The following FAM78A variants were observed in gnomAD, a reference collection of about 807,000 sequenced individuals.
FAM78A encodes the protein protein FAM78A.
A neutral mutation model predicts 22.6 loss-of-function variants in FAM78A; 12 were observed. That is an observed-to-expected ratio of 0.53 (90% CI 0.34 to 0.86). The LOEUF is 0.86. Among genes scored for constraint, FAM78A ranks in the 40% least tolerant of loss-of-function variants. The pLI is 0.02. For missense variants in FAM78A, 322 were observed against 396.1 expected, an observed-to-expected ratio of 0.81 and a Z score of 1.59; for synonymous variants, 151 against 155.8, an observed-to-expected ratio of 0.97 and a Z score of 0.23.
rs2131198548 is a variant in FAM78A at position 131,276,129 on chromosome 9, G to A, written c.51C>T (p.Leu17=). ...DCWPSLEIRA[L]LYAMGCIQSI... ...TCTGAATACAGCCCATGGCATACAG[G>A]AGCGCTCTGATCTCCAGGGAAGGCC... The change falls in exon 1 of 2, where the codon CTC becomes CTT. Residue 17 remains leucine (L), a synonymous_variant. Coordinates refer to ENST00000372271, the MANE Select transcript of FAM78A (RefSeq NM_033387.4). The surrounding 1 kb of genome is among the most constrained non-coding windows in gnomAD (Gnocchi z 4.3). The A allele has an allele frequency of 1.2e-6, 2 of 1,613,588 alleles. No individual in the cohort carries two copies. The highest frequency in any genetic ancestry group is 1.7e-6 in the Non-Finnish European group (2 of 1,180,006).
chr9:131,260,492 G>T lies in FAM78A; in HGVS notation c.*330C>A, dbSNP rs114996354. The T allele has an allele frequency of 3.9e-3, 856 of 218,016 alleles. 8 individuals carry two copies. The highest frequency in any genetic ancestry group is 0.018 in the African/African-American group (809 of 43,988). 13.5% of individuals were successfully genotyped at this position (218,016 alleles called of 1,614,324 possible). On this transcript the variant is annotated 3_prime_UTR_variant, in exon 2 of 2. Coordinates refer to ENST00000372271, the MANE Select transcript of FAM78A (RefSeq NM_033387.4). The surrounding 1 kb of genome is among the most constrained non-coding windows in gnomAD (Gnocchi z 5.4). Reference sequence around the variant, plus strand: ...TCCTGCCCCTGAGCCCCCAAAAGAGGAGTTTTTTTAAAAAACGGAAAAAGC... The same window carrying T: ...TCCTGCCCCTGAGCCCCCAAAAGAGTAGTTTTTTTAAAAAACGGAAAAAGC...
Position 131,272,540 on chromosome 9 carries a change from G to C in FAM78A, c.323+3317C>G, listed in dbSNP as rs2131193185. On this transcript the variant is annotated intron_variant, in intron 1 of 1. Transcript: ENST00000372271. The surrounding 1 kb of genome is among the most constrained non-coding windows in gnomAD (Gnocchi z 4.1). ...AATTCTGGGCTGGTTGGGGTTTCTG[G>C]TCACCCCAACCACTGTTCCCTTTCC... 6.6e-6 allele frequency among the ~76,000 whole-genome samples: 1 copy of C among 152,308 alleles called. No individual in the cohort carries two copies. Among genetic ancestry groups the C allele is most frequent in the African/African-American group, 2.4e-5 (1 of 41,574 alleles).
Position 131,268,719 on chromosome 9 carries a change from C to T in FAM78A, c.323+7138G>A, listed in dbSNP as rs1174535016. ...ATCGAGACAGAGACGGGTGAAACCCCGTCTCTACTAAAAATACAAAAAAAT... is the reference window on the plus strand; with the variant it reads ...ATCGAGACAGAGACGGGTGAAACCCTGTCTCTACTAAAAATACAAAAAAAT... On this transcript the variant is annotated intron_variant, in intron 1 of 1. Transcript: ENST00000372271. Among the ~76,000 whole-genome samples, 7 of 151,914 alleles carry T rather than the reference C, an allele frequency of 4.6e-5. No homozygotes were observed. In the East Asian group the frequency reaches 9.7e-4, roughly 21 times the overall value.
chr9:131,275,927 T>C lies in FAM78A; in HGVS notation c.253A>G (p.Thr85Ala), dbSNP rs1457527496. The C allele has an allele frequency of 1.9e-6, 3 of 1,612,982 alleles. No individual in the cohort carries two copies. Among genetic ancestry groups the C allele is most frequent in the Non-Finnish European group, 2.5e-6 (3 of 1,179,904 alleles). The stretch of plus-strand genomic sequence containing the variant: ...GCCTGGATCCAGCCAACTACCCAAG[T>C]CTCCTTCTTGGGGATGGGCGGCATG... ...VVMPPIPKKE[T>A]WVVGWIQACS... Residue 85 changes from threonine to alanine, a missense_variant, in exon 1 of 2, where the codon ACT becomes GCT. Coordinates refer to ENST00000372271, the MANE Select transcript of FAM78A (RefSeq NM_033387.4). This position sits in a 1 kb window ranked among gnomAD's most constrained non-coding sequence, Gnocchi z 4.6.
chr9:131,276,770 C>T (rs1835489415), upstream of FAM78A, among the ~76,000 whole-genome samples: 1 of 151,292 alleles, frequency 6.6e-6, no homozygotes, highest in Non-Finnish European at 1.5e-5. This position sits in a 1 kb window ranked among gnomAD's most constrained non-coding sequence, Gnocchi z 4.3. Context: ...GGCCGCTCGC[C>T]GGTGACGGGG....
In FAM78A at chr9:131,268,837, G is replaced by A. The variant is rs191147947; in HGVS notation, c.323+7020C>T. 4.1e-3 allele frequency among the ~76,000 whole-genome samples: 614 copies of A among 151,348 alleles called. 10 individuals are homozygous for A. Among genetic ancestry groups the A allele is most frequent in the African/African-American group, 0.014 (585 of 41,288 alleles). Reference sequence around the variant, plus strand: ...GAACCCGGGAGGCGGAGCTTGCAGTGAGCCGAGATGGCGCCCCTGCACTCC... The same window carrying A: ...GAACCCGGGAGGCGGAGCTTGCAGTAAGCCGAGATGGCGCCCCTGCACTCC... On this transcript the variant is annotated intron_variant, in intron 1 of 1. Coordinates refer to ENST00000372271, the MANE Select transcript of FAM78A (RefSeq NM_033387.4).
upstream of FAM78A, among the ~76,000 whole-genome samples, chr9:131,277,933 C>G (rs1835505256): frequency 6.7e-6 from 1 of 148,844 alleles, no homozygotes; most frequent in South Asian, 2.1e-4. The surrounding 1 kb of genome is among the most constrained non-coding windows in gnomAD (Gnocchi z 8.4). Flanking sequence ...AACTCGGCCC[C>G]TGCGCCGGCC....
upstream of FAM78A, among the ~76,000 whole-genome samples, chr9:131,277,560 C>T (rs1033041700): frequency 6.6e-6 from 1 of 151,738 alleles, no homozygotes; most frequent in Non-Finnish European, 1.5e-5. This position sits in a 1 kb window ranked among gnomAD's most constrained non-coding sequence, Gnocchi z 8.4. Context: ...GCCCCGGGGG[C>T]CACTCCGCTG....
Position 131,270,241 on chromosome 9 carries a change from C to A in FAM78A, c.323+5616G>T, listed in dbSNP as rs1285222346. ...TACAACCACCGAGCTGAAGGGCTTG[C>A]ACATGTGGACGGTAACAGGCACAGC... On this transcript the variant is annotated intron_variant, in intron 1 of 1. Transcript: ENST00000372271. 3 of 716,618 alleles carry A rather than the reference C, an allele frequency of 4.2e-6. No individual in the cohort carries two copies. The African/African-American group carries it at 5.2e-5, about 13-fold the overall frequency. The allele number at this position is 716,618 out of a possible 1,614,324, so 44.4% of individuals were successfully genotyped here.
At position 131,261,053 on chromosome 9, in the gene FAM78A, C is replaced by T; in HGVS notation, c.621G>A (p.Gln207=). Residue 207 remains glutamine (Q), a synonymous_variant, in exon 2 of 2, where the codon CAG becomes CAA. Coordinates refer to ENST00000372271, the MANE Select transcript of FAM78A (RefSeq NM_033387.4). The surrounding 1 kb of genome is among the most constrained non-coding windows in gnomAD (Gnocchi z 7.1). ...TGAGCTGCATGCGCCAGTGCAGCGTCTGCAGGATGATCATGTCGTTGGTGG... is the reference window on the plus strand; with the variant it reads ...TGAGCTGCATGCGCCAGTGCAGCGTTTGCAGGATGATCATGTCGTTGGTGG... ...NTSTNDMIIL[Q]TLHWRMQLSI... The T allele has an allele frequency of 6.2e-7, 1 of 1,614,152 alleles. No individual in the cohort carries two copies. The highest frequency in any genetic ancestry group is 8.5e-7 in the Non-Finnish European group (1 of 1,180,022).
rs1835330534 is a variant in FAM78A, at chr9:131,265,301, G to C, written c.324-3951C>G. Among the ~76,000 whole-genome samples, 3 of 152,136 alleles carry C rather than the reference G, an allele frequency of 2.0e-5. No individual in the cohort carries two copies. Among genetic ancestry groups the C allele is most frequent in the African/African-American group, 7.2e-5 (3 of 41,414 alleles). Reference sequence around the variant, plus strand: ...ACAGAGTTTCACTCTTCCTGGCCAGGCCGGAGTGCAATGGCATGATCTCAG... The same window carrying C: ...ACAGAGTTTCACTCTTCCTGGCCAGCCCGGAGTGCAATGGCATGATCTCAG... On this transcript the variant is annotated intron_variant, in intron 1 of 1. Coordinates refer to ENST00000372271, the MANE Select transcript of FAM78A (RefSeq NM_033387.4). The surrounding 1 kb of genome is among the most constrained non-coding windows in gnomAD (Gnocchi z 4.3).
chr9:131,271,001 CTTTT>C lies in FAM78A; in HGVS notation c.323+4852_323+4855del, dbSNP rs60077536. Reference sequence around the variant, plus strand: ...CCCTGCCCTGTCCTTTCCCACCAGTCTTTTTTTTTTTTTTTTTTTTTTGAGATGT... The same window carrying C: ...CCCTGCCCTGTCCTTTCCCACCAGTCTTTTTTTTTTTTTTTTTTGAGATGT... On this transcript the variant is annotated intron_variant, in intron 1 of 1. Coordinates refer to ENST00000372271, the MANE Select transcript of FAM78A (RefSeq NM_033387.4). 6.8e-3 allele frequency among the ~76,000 whole-genome samples: 479 copies of C among 70,350 alleles called. 3 individuals carry two copies. The highest frequency in any genetic ancestry group is 0.012 in the Non-Finnish European group (359 of 28,818). The allele number at this position is 70,350 out of a possible 152,430, so 46.2% of individuals were successfully genotyped here.
chr9:131,262,360 C>T (rs953593440), intron 1 of FAM78A, among the ~76,000 whole-genome samples: 1 of 151,016 alleles, frequency 6.6e-6, no homozygotes, highest in Non-Finnish European at 1.5e-5. Flanking sequence ...TGCCTCTAAT[C>T]CTGTAATCAG....
Position 131,272,896 on chromosome 9 carries a change from C to T in FAM78A, c.323+2961G>A, listed in dbSNP as rs920780191. 3.9e-5 allele frequency among the ~76,000 whole-genome samples: 6 copies of T among 152,098 alleles called. No homozygotes were observed. The highest frequency in any genetic ancestry group is 1.4e-4 in the African/African-American group (6 of 41,400). On this transcript the variant is annotated intron_variant, in intron 1 of 1. Coordinates refer to ENST00000372271, the MANE Select transcript of FAM78A (RefSeq NM_033387.4). The surrounding 1 kb of genome is among the most constrained non-coding windows in gnomAD (Gnocchi z 4.1). ...TAGTGAGCCAAGATTGGCACCATTG[C>T]ACTCCAGCCTGGGCGACAAGAATAA...
At chr9:131,263,037 C>T (rs1387237989) in intron 1 of FAM78A, among the ~76,000 whole-genome samples, 2 of 152,024 alleles carry the variant, frequency 1.3e-5, no homozygotes, top group African/African-American at 2.4e-5. Flanking sequence ...GTCAGGAGTT[C>T]CAGACCAGCC....
In FAM78A at chr9:131,275,764, A is replaced by C. The variant is rs373657688; in HGVS notation, c.323+93T>G. ...CTGGCCTCCGTCCTGTCTTCATGGTATCTCCACCTTCCCCCTATCCGCGGC... is the reference window on the plus strand; with the variant it reads ...CTGGCCTCCGTCCTGTCTTCATGGTCTCTCCACCTTCCCCCTATCCGCGGC... On this transcript the variant is annotated intron_variant, in intron 1 of 1. Transcript: ENST00000372271. The surrounding 1 kb of genome is among the most constrained non-coding windows in gnomAD (Gnocchi z 4.6). The C allele has an allele frequency of 3.2e-5, 41 of 1,286,414 alleles. No individual in the cohort carries two copies. Among genetic ancestry groups the C allele is most frequent in the Non-Finnish European group, 4.0e-5 (38 of 941,850 alleles). The allele number at this position is 1,286,414 out of a possible 1,614,324, so 79.7% of individuals were successfully genotyped here. A position where few individuals can be genotyped will look rare whatever the true frequency, so the allele number is the denominator to read the frequency against.
At chr9:131,266,426 C>T (rs541111468) in intron 1 of FAM78A, among the ~76,000 whole-genome samples, 1 of 152,252 alleles carries the variant, frequency 6.6e-6, no homozygotes, top group East Asian at 1.9e-4. Flanking sequence ...TGCAGTGGGC[C>T]ATGCTCCTCC....
In FAM78A at chr9:131,276,043, G is replaced by A. The variant is rs1835479891; in HGVS notation, c.137C>T (p.Ser46Phe). 6.2e-7 allele frequency: 1 copy of A among 1,613,824 alleles called. No individual in the cohort carries two copies. Among genetic ancestry groups the A allele is most frequent in the African/African-American group, 1.3e-5 (1 of 75,052 alleles). Residue 46 changes from serine (S) to phenylalanine (F), a missense_variant, in exon 1 of 2, where the codon TCC becomes TTC. Coordinates refer to ENST00000372271, the MANE Select transcript of FAM78A (RefSeq NM_033387.4). The surrounding 1 kb of genome is among the most constrained non-coding windows in gnomAD (Gnocchi z 4.3). ...EGITVIDVKA[S>F]IDPVPTSIDE... ...GATGCTAGTGGGGACGGGGTCGATGGAGGCTTTCACATCAATCACCGTGAT... is the reference window on the plus strand; with the variant it reads ...GATGCTAGTGGGGACGGGGTCGATGAAGGCTTTCACATCAATCACCGTGAT...
chr9:131,264,312 A>T (rs1835313191), intron 1 of FAM78A: 1 of 445,828 alleles, frequency 2.2e-6, no homozygotes, highest in Non-Finnish European at 4.0e-6. Context: ...TCAGGCAAAG[A>T]CAGGTGAGGA....
Sources: allele counts gnomAD v4.1 joint callset (sites outside exome capture counted in the v4.1 genomes callset), GRCh38; gene constraint gnomAD v4.1.1; non-coding constraint Gnocchi (gnomAD v3.1); transcripts MANE v1.5; gene names NCBI Gene and HGNC (gene_info 2026-07-23, HGNC 2026-07-21).